WDR24: variants seen among roughly 807,000 people sequenced by gnomAD.
WDR24 encodes WD repeat domain 24.
A neutral mutation model predicts 66.7 loss-of-function variants in WDR24; 32 were observed. The observed-to-expected ratio is 0.48, with a 90% confidence interval of 0.36 to 0.64. The LOEUF (loss-of-function observed/expected upper bound fraction) is 0.64. Ranked by LOEUF, WDR24 falls within the 30% of genes least tolerant of loss-of-function variation. The pLI, the probability that WDR24 is intolerant of heterozygous loss-of-function variation, is 0.00. For synonymous variants in WDR24, 565 were observed against 469.1 expected (o/e 1.20, Z -2.64); for missense variants, 978 against 1,144.1 (o/e 0.85, Z 2.09).
intron 1 of WDR24, chr16:688,855 G>C: frequency 2.4e-6 from 1 of 415,262 alleles, no homozygotes; most frequent in South Asian, 2.6e-5. Context: ...AAGGGAGTCA[G>C]TGGCTCTCTG....
In WDR24 at chr16:689,463, C is replaced by T. The variant is rs376830909; in HGVS notation, c.178G>A (p.Val60Met). The change falls in exon 1 of 9, where the codon GTG becomes ATG. Residue 60 changes from valine (V) to methionine (M), a missense_variant. Val to Met is a conservative substitution (Grantham distance 21, BLOSUM62 1). Coordinates refer to ENST00000293883, the MANE Select transcript of WDR24 (RefSeq NM_032259.4). ...CCCACACGCAGGTTCAGCTTTTCCA[C>T]GAACTGTTCCTCCTCGATGGCATAG... ...KIYAIEEEQF[V>M]EKLNLRVGRK... 6.8e-6 allele frequency: 11 copies of T among 1,613,478 alleles called. No homozygotes were observed. Among genetic ancestry groups the T allele is most frequent in the African/African-American group, 5.3e-5 (4 of 74,948 alleles).
Position 689,627 on chromosome 16 carries a change from G to A in WDR24, c.14C>T (p.Ser5Phe). The A allele has an allele frequency of 6.2e-7, 1 of 1,612,330 alleles. No individual in the cohort carries two copies. Among genetic ancestry groups the A allele is most frequent in the Non-Finnish European group, 8.5e-7 (1 of 1,179,592 alleles). MEKMSRVTTALGGSV... is the reference protein window; with the variant it reads MEKMFRVTTALGGSV... ...GCCACCCAGGGCTGTGGTCACACGG[G>A]ACATCTTCTCCATGGCTGCACAGGT... The change falls in exon 1 of 9, where the codon TCC becomes TTC. Residue 5 changes from serine to phenylalanine, a missense_variant. Ser to Phe is a radical substitution (Grantham distance 155). Coordinates refer to ENST00000293883, the MANE Select transcript of WDR24 (RefSeq NM_032259.4).
In WDR24 at chr16:684,683, C is replaced by A; in HGVS notation, c.*51G>T. Reference sequence around the variant, plus strand: ...GCCTCCGCCCGTCTCGGGCACAAGACCAGGCGGGGTTCTGCACGCGGCCGC... The same window carrying A: ...GCCTCCGCCCGTCTCGGGCACAAGAACAGGCGGGGTTCTGCACGCGGCCGC... On this transcript the variant is annotated 3_prime_UTR_variant, in exon 9 of 9. Coordinates refer to ENST00000293883, the MANE Select transcript of WDR24 (RefSeq NM_032259.4). The A allele has an allele frequency of 6.6e-7, 1 of 1,518,482 alleles. No individual in the cohort carries two copies. The highest frequency in any genetic ancestry group is 2.4e-5 in the East Asian group (1 of 41,198). 94.1% of individuals were successfully genotyped at this position (1,518,482 alleles called of 1,614,324 possible).
chr16:687,287 G>A lies in WDR24; in HGVS notation c.789C>T (p.Cys263=). 6.2e-7 allele frequency: 1 copy of A among 1,611,122 alleles called. No homozygotes were observed. ...SVARVKWRPE[C]RHHLATCSMM... is the part of the protein sequence containing the mutation. ...TGGAGCACGTGGCCAGGTGGTGGCGGCACTCTGGCCGCCACTTCACACGGG... is the reference window on the plus strand; with the variant it reads ...TGGAGCACGTGGCCAGGTGGTGGCGACACTCTGGCCGCCACTTCACACGGG... The change falls in exon 3 of 9, where the codon TGC becomes TGT. Residue 263 remains cysteine (C), a synonymous_variant. Transcript: ENST00000293883.
chr16:686,805 C>G lies in WDR24; in HGVS notation c.1271G>C (p.Arg424Pro). 6.2e-7 allele frequency: 1 copy of G among 1,611,320 alleles called. No homozygotes were observed. The highest frequency in any genetic ancestry group is 8.5e-7 in the Non-Finnish European group (1 of 1,178,956). ...DTAERYALAG[R>P]PLAELCDHNA... Reference sequence around the variant, plus strand: ...GTGGTCACAGAGCTCGGCCAGTGGCCGGCCAGCCAGCGCATAACGCTCAGC... The same window carrying G: ...GTGGTCACAGAGCTCGGCCAGTGGCGGGCCAGCCAGCGCATAACGCTCAGC... The change falls in exon 3 of 9, where the codon CGG becomes CCG. Residue 424 changes from arginine (R) to proline (P), a missense_variant. Physicochemically the swap from Arg to Pro is moderately radical, Grantham distance 103. Coordinates refer to ENST00000293883, the MANE Select transcript of WDR24 (RefSeq NM_032259.4).
At chr16:689,127 C>T (rs1373526754) in intron 1 of WDR24, 33 bp downstream of exon 1, 1 of 1,603,798 alleles carries the variant, frequency 6.2e-7, no homozygotes, top group Non-Finnish European at 8.5e-7. Context: ...GGCAGAGACG[C>T]CCACCTGCCC....
chr16:687,070 C>G lies in WDR24; in HGVS notation c.1006G>C (p.Glu336Gln). 5 of 1,606,284 alleles carry G rather than the reference C, an allele frequency of 3.1e-6. No individual in the cohort carries two copies. The highest frequency in any genetic ancestry group is 4.2e-6 in the Non-Finnish European group (5 of 1,179,132). The stretch of plus-strand genomic sequence containing the variant: ...CAGAGGCCCTCAGGGTTGGCGCGCT[C>G]GACGGGCTGGCTGGCGTCGCGGAAC... The part of the protein sequence containing the change: ...HLFRDASQPV[E>Q]RANPEGLCYG... The change falls in exon 3 of 9, where the codon GAG (glutamate) becomes CAG (glutamine). Residue 336 changes from glutamate (E) to glutamine (Q), a missense_variant. Physicochemically the swap from Glu to Gln is conservative, Grantham distance 29. This residue lies in a region of WDR24 where 302 missense variants were observed against 526.6 expected (regional missense o/e 0.57). Transcript: ENST00000293883.
Position 689,262 on chromosome 16 carries a change from A to C in WDR24, c.379T>G (p.Cys127Gly), listed in dbSNP as rs1414174228. ...ACGTGGGCTTCGGTGGGGTGGAAGC[A>C]GACTTTGTTTACCGTGCGCTTGTGT... ...TEHKRTVNKV[C>G]FHPTEAHVLL... The change falls in exon 1 of 9, where the codon TGC (cysteine) becomes GGC (glycine). Residue 127 changes from cysteine to glycine, a missense_variant. Physicochemically the swap from Cys to Gly is radical, Grantham distance 159. Coordinates refer to ENST00000293883, the MANE Select transcript of WDR24 (RefSeq NM_032259.4). The C allele has an allele frequency of 1.9e-6, 3 of 1,613,980 alleles. No homozygotes were observed. The highest frequency in any genetic ancestry group is 2.2e-5 in the East Asian group (1 of 44,876).
At chr16:688,058 T>G (rs1000709095) in intron 1 of WDR24, 6 of 523,488 alleles carry the variant, frequency 1.1e-5, no homozygotes, top group Admixed American at 9.0e-5. Flanking sequence ...ACTGGGAGAA[T>G]AGGAACGCAC....
chr16:685,512 C>A lies in WDR24; in HGVS notation c.1764G>T (p.Leu588=), dbSNP rs200373734. ...IVDTPPGPEH[L]QDKADSPHVS... is the part of the protein sequence containing the mutation. ...CGTGCGGGGAGTCGGCCTTGTCCTGCAGGTGCTCGGGCCCGGGAGGCGTGT... is the reference window on the plus strand; with the variant it reads ...CGTGCGGGGAGTCGGCCTTGTCCTGAAGGTGCTCGGGCCCGGGAGGCGTGT... Residue 588 remains leucine, a synonymous_variant, in exon 7 of 9, where the codon CTG becomes CTT. Transcript: ENST00000293883. The A allele has an allele frequency of 4.0e-5, 63 of 1,593,046 alleles. No homozygotes were observed. The East Asian group carries it at 1.4e-3, about 36-fold the overall frequency.
At position 687,131 on chromosome 16, in the gene WDR24, C is replaced by G. The variant is rs762262777; in HGVS notation, c.945G>C (p.Leu315=). The G allele has an allele frequency of 7.4e-6, 12 of 1,611,846 alleles. No individual in the cohort carries two copies. The East Asian group carries it at 1.3e-4, about 18-fold the overall frequency. The change falls in exon 3 of 9, where the codon CTG becomes CTC. Residue 315 remains leucine (L), a synonymous_variant. Transcript: ENST00000293883. ...WRHPHDPSFL[L]SGSKDSSLCQ... The stretch of plus-strand genomic sequence containing the variant: ...ACAGCGAGCTGTCCTTGGAGCCAGA[C>G]AGCAGGAAGGAGGGGTCGTGGGGGT...
Position 685,849 on chromosome 16 carries a change from C to T in WDR24, c.1573+20G>A, listed in dbSNP as rs775773779. ...ACCCCCACCCCTCTCCCATCAGCAC[C>T]CCTACCCACCCCAGCCTACCCTCAT... On this transcript the variant is annotated intron_variant, in intron 5 of 8. Transcript: ENST00000293883. 2.5e-6 allele frequency: 4 copies of T among 1,613,184 alleles called. No homozygotes were observed. The highest frequency in any genetic ancestry group is 1.7e-5 in the Admixed American group (1 of 60,018).
intron 4 of WDR24, 23 bp downstream of exon 4, chr16:686,045 G>C (rs1455136206): frequency 6.2e-7 from 1 of 1,612,810 alleles, no homozygotes. Flanking sequence ...CAGCCCCTGG[G>C]GAGAGCTGCC....
Position 686,808 on chromosome 16 carries a change from C to A in WDR24, c.1268G>T (p.Gly423Val). ...VDTAERYALA[G>V]RPLAELCDHN... ...GTCACAGAGCTCGGCCAGTGGCCGG[C>A]CAGCCAGCGCATAACGCTCAGCTGT... The change falls in exon 3 of 9, where the codon GGC becomes GTC. Residue 423 changes from glycine (G) to valine (V), a missense_variant. By Grantham distance (109) the Gly-to-Val change is moderately radical. Around this residue, in one of 2 missense-constraint regions of WDR24, gnomAD observed 676 missense variants for 617.5 expected, o/e 1.09. Transcript: ENST00000293883. 13 of 1,611,210 alleles carry A rather than the reference C, an allele frequency of 8.1e-6. No homozygotes were observed. Among genetic ancestry groups the A allele is most frequent in the African/African-American group, 1.3e-5 (1 of 75,022 alleles).
rs746689220 is a variant in WDR24, at chr16:686,915, C to T, written c.1161G>A (p.Glu387=). The T allele has an allele frequency of 1.2e-6, 2 of 1,606,998 alleles. No homozygotes were observed. The highest frequency in any genetic ancestry group is 2.2e-5 in the South Asian group (2 of 90,738). Residue 387 remains glutamate (E), a synonymous_variant, in exon 3 of 9, where the codon GAG becomes GAA. Transcript: ENST00000293883. ...CACTGGAGGCGAGGCCTGCGAAGGG[C>T]TCGGCAGGGTCCAGCTTGCGCTTAA... ...IFFKRKLDPA[E]PFAGLASSAL...
chr16:685,328 C>T lies in WDR24; in HGVS notation c.1948G>A (p.Val650Met). Residue 650 changes from valine (V) to methionine (M), a missense_variant, in exon 7 of 9, where the codon GTG becomes ATG. Physicochemically the swap from Val to Met is conservative, Grantham distance 21. Around this residue, in one of 2 missense-constraint regions of WDR24, gnomAD observed 676 missense variants for 617.5 expected, o/e 1.09. Coordinates refer to ENST00000293883, the MANE Select transcript of WDR24 (RefSeq NM_032259.4). ...MLHFYAEQGD[V>M]QMAVSVLIVL... is the part of the protein sequence containing the mutation. Reference sequence around the variant, plus strand: ...ATGAGCACAGACACAGCCATCTGCACGTCGCCCTGCTCAGCGTAGAAGTGC... The same window carrying T: ...ATGAGCACAGACACAGCCATCTGCATGTCGCCCTGCTCAGCGTAGAAGTGC... The T allele has an allele frequency of 1.9e-6, 3 of 1,608,026 alleles. No individual in the cohort carries two copies. The highest frequency in any genetic ancestry group is 2.5e-6 in the Non-Finnish European group (3 of 1,178,944).
intron 1 of WDR24, among the ~76,000 whole-genome samples, chr16:688,773 CTG>C (rs1596568048): frequency 2.0e-5 from 3 of 152,266 alleles, no homozygotes; most frequent in African/African-American, 7.2e-5. Context: ...CTCTGCCTCC[CTG>C]GGCCAGGAAA....
rs751802981 is a variant in WDR24, at chr16:686,771, C to T, written c.1305G>A (p.Lys435=). 2 of 1,605,982 alleles carry T rather than the reference C, an allele frequency of 1.2e-6. No individual in the cohort carries two copies. Among genetic ancestry groups the T allele is most frequent in the African/African-American group, 2.7e-5 (2 of 74,814 alleles). Residue 435 remains lysine, a synonymous_variant, in exon 3 of 9, where the codon AAG becomes AAA. Transcript: ENST00000293883. ...GGTTGCGGCCAAGCTCTCGAGCCAC[C>T]TTTGCGTTGTGGTCACAGAGCTCGG... The part of the protein sequence containing the change: ...PLAELCDHNA[K]VARELGRNQV...
At chr16:686,402 G>A (rs989026240) in intron 3 of WDR24, among the ~76,000 whole-genome samples, 4 of 152,206 alleles carry the variant, frequency 2.6e-5, no homozygotes, top group Non-Finnish European at 5.9e-5. Context: ...ATTGGGCAGT[G>A]GGGACTTGCG....
Sources: gnomAD v4.1 joint callset for allele counts (sites outside exome capture counted in the v4.1 genomes callset) on GRCh38, gnomAD v4.1.1 for gene constraint, gnomAD v4.1.1 regional missense constraint, MANE v1.5 for transcripts, NCBI Gene and HGNC (gene_info 2026-07-23, HGNC 2026-07-21) for gene names.